GRID1: variants seen among roughly 807,000 people sequenced by gnomAD.
The protein encoded by GRID1 is glutamate receptor ionotropic, delta-1.
Under a neutral mutation model 98.0 loss-of-function variants are expected in GRID1, and 28 were observed. That is an observed-to-expected ratio of 0.29 (90% CI 0.21 to 0.39). The LOEUF (loss-of-function observed/expected upper bound fraction) is 0.39, where lower values mean the gene tolerates loss of function less well. Among genes scored for constraint, GRID1 ranks in the 10% least tolerant of loss-of-function variants. The pLI is 1.00. For missense variants in GRID1, 1,111 were observed against 1,340.5 expected (o/e 0.83, Z 2.67); for synonymous variants, 553 against 538.5 (o/e 1.03, Z -0.37).
intron 6 of GRID1, among the ~76,000 whole-genome samples, chr10:85,856,714 C>A (rs1414827070): frequency 6.6e-6 from 1 of 152,182 alleles, no homozygotes; most frequent in East Asian, 1.9e-4. Flanking sequence ...TTGAAAGCAG[C>A]CATAGACAAT....
intron 12 of GRID1, among the ~76,000 whole-genome samples, chr10:85,652,178 C>T (rs1383313359): frequency 1.3e-5 from 2 of 152,174 alleles, no homozygotes; most frequent in Non-Finnish European, 2.9e-5. Flanking sequence ...ATATTCTCCC[C>T]AGCTTGGTAC....
At chr10:86,159,629 G>C (rs1475519214) in intron 3 of GRID1, among the ~76,000 whole-genome samples, 2 of 152,204 alleles carry the variant, frequency 1.3e-5, no homozygotes, top group African/African-American at 4.8e-5. Flanking sequence ...ATTTCTGTTA[G>C]AGCTGGGCCA....
intron 8 of GRID1, among the ~76,000 whole-genome samples, chr10:85,806,032 C>CTA (rs2131741526): frequency 6.6e-6 from 1 of 151,176 alleles, no homozygotes; most frequent in African/African-American, 2.4e-5. Flanking sequence ...GACAAGCAAG[C>CTA]TATGGTCTGG....
At chr10:85,977,381 A>T (rs1842485824) in intron 4 of GRID1, among the ~76,000 whole-genome samples, 1 of 152,126 alleles carries the variant, frequency 6.6e-6, no homozygotes, top group South Asian at 2.1e-4. Context: ...GAGAGATGAG[A>T]CTTGCCTGAC....
At chr10:86,035,307 T>C (rs1389596720) in intron 4 of GRID1, among the ~76,000 whole-genome samples, 2 of 152,250 alleles carry the variant, frequency 1.3e-5, no homozygotes, top group Non-Finnish European at 2.9e-5. Context: ...ATCTCTTCCT[T>C]AGTCGTGCTG....
At chr10:85,793,804 T>A (rs777513953) in intron 8 of GRID1, among the ~76,000 whole-genome samples, 51 of 152,350 alleles carry the variant, frequency 3.3e-4, no homozygotes, top group Admixed American at 2.1e-3. Context: ...TTAGGTTGAA[T>A]GATTTAACCT....
chr10:85,871,811 G>A (rs1456666453), intron 5 of GRID1, among the ~76,000 whole-genome samples: 1 of 152,170 alleles, frequency 6.6e-6, no homozygotes, highest in Non-Finnish European at 1.5e-5. Context: ...AAATATTAAG[G>A]ATTGTATCCT....
intron 12 of GRID1, among the ~76,000 whole-genome samples, chr10:85,682,427 G>A (rs1841221045): frequency 6.6e-6 from 1 of 152,106 alleles, no homozygotes; most frequent in Non-Finnish European, 1.5e-5. Context: ...TCAACAACAG[G>A]CCCTCCAAAA....
At chr10:85,804,754 T>C (rs1418054427) in intron 8 of GRID1, among the ~76,000 whole-genome samples, 1 of 151,862 alleles carries the variant, frequency 6.6e-6, no homozygotes, top group Non-Finnish European at 1.5e-5. Flanking sequence ...ACAGTAAAAA[T>C]TGTATTACAT....
chr10:85,735,805 G>A (rs1841874204), intron 8 of GRID1, among the ~76,000 whole-genome samples: 1 of 151,396 alleles, frequency 6.6e-6, no homozygotes, highest in South Asian at 2.1e-4. Context: ...AGGGAGGAAG[G>A]AAGGAGGGAT....
chr10:86,301,330 A>G lies in GRID1; in HGVS notation c.235+62611T>C, dbSNP rs568893360. On this transcript the variant is annotated intron_variant, in intron 2 of 15. Transcript: ENST00000327946. The stretch of plus-strand genomic sequence containing the variant: ...CATCAAAAATCAATCAGCTCCATCT[A>G]TCTATCTTTGCCACTGACACCCTTC... Among the ~76,000 whole-genome samples the G allele has an allele frequency of 2.6e-5, 4 of 152,350 alleles. No homozygotes were observed. In the South Asian group the frequency reaches 8.3e-4, roughly 32 times the overall value.
At chr10:86,101,342 A>T (rs1180656663) in intron 4 of GRID1, among the ~76,000 whole-genome samples, 1 of 152,252 alleles carries the variant, frequency 6.6e-6, no homozygotes, top group Non-Finnish European at 1.5e-5. Context: ...TATGAGTTTT[A>T]TAAACTTAGA....
chr10:85,780,945 C>T (rs1457731236), intron 8 of GRID1, among the ~76,000 whole-genome samples: 1 of 152,194 alleles, frequency 6.6e-6, no homozygotes, highest in Non-Finnish European at 1.5e-5. Flanking sequence ...AAATGCCCTG[C>T]TTGGCCCAGG....
chr10:86,343,354 A>T (rs1294534976), intron 2 of GRID1, among the ~76,000 whole-genome samples: 1 of 152,224 alleles, frequency 6.6e-6, no homozygotes, highest in East Asian at 1.9e-4. Context: ...CTGGGAGAAT[A>T]TGGGCTGTAT....
intron 8 of GRID1, among the ~76,000 whole-genome samples, chr10:85,781,350 G>A (rs757681702): frequency 2.0e-5 from 3 of 152,264 alleles, no homozygotes; most frequent in East Asian, 3.9e-4. Context: ...ACATCTCTGC[G>A]TGCTCCCACT....
rs188013144 is a variant in GRID1 at position 85,699,307 on chromosome 10, G to A, written c.1997+23696C>T. On this transcript the variant is annotated intron_variant, in intron 12 of 15. Transcript: ENST00000327946. The stretch of plus-strand genomic sequence containing the variant: ...GACCTTAGGTGATCCTCCCGCCTCG[G>A]CCTCCTAAAGTGTTGGGACTATAGG... Among the ~76,000 whole-genome samples, 160 of 152,224 alleles carry A rather than the reference G, an allele frequency of 1.1e-3. 1 individual carries two copies. The highest frequency in any genetic ancestry group is 3.6e-3 in the African/African-American group (151 of 41,542).
intron 12 of GRID1, among the ~76,000 whole-genome samples, chr10:85,714,622 CA>C (rs982297555): frequency 6.6e-6 from 1 of 151,686 alleles, no homozygotes; most frequent in African/African-American, 2.4e-5. Flanking sequence ...GCAAACAAAT[CA>C]AAAAACAATT....
chr10:86,153,432 G>A lies in GRID1; in HGVS notation c.521-14408C>T, dbSNP rs568528905. 2.0e-5 allele frequency among the ~76,000 whole-genome samples: 3 copies of A among 152,176 alleles called. No individual in the cohort carries two copies. The South Asian group carries it at 6.2e-4, about 32-fold the overall frequency. Reference sequence around the variant, plus strand: ...TTAAATTATATTAACAAACAAAATTGATAAATACACAAAGTTCATCATTCC... The same window carrying A: ...TTAAATTATATTAACAAACAAAATTAATAAATACACAAAGTTCATCATTCC... On this transcript the variant is annotated intron_variant, in intron 3 of 15. Transcript: ENST00000327946.
chr10:86,140,599 C>T (rs188150459), intron 3 of GRID1, among the ~76,000 whole-genome samples: 45 of 152,296 alleles, frequency 3.0e-4, no homozygotes, highest in Admixed American at 1.4e-3. Context: ...CCATGGCCAT[C>T]GTAATGAGGG....
Sources: gnomAD v4.1 joint callset for allele counts (sites outside exome capture counted in the v4.1 genomes callset) on GRCh38, gnomAD v4.1.1 for gene constraint, MANE v1.5 for transcripts, NCBI Gene and HGNC (gene_info 2026-07-23, HGNC 2026-07-21) for gene names.